WDFY3: variants seen among roughly 807,000 people sequenced by gnomAD.
WDFY3 encodes WD repeat and FYVE domain-containing protein 3.
Under a neutral mutation model 409.6 loss-of-function variants are expected in WDFY3, and 66 were observed. The ratio of observed to expected loss-of-function variants is 0.16; its 90% CI spans 0.13 to 0.20. The LOEUF is 0.20. Among genes scored for constraint, WDFY3 ranks in the 10% least tolerant of loss-of-function variants. WDFY3 has a pLI of 1.00. For synonymous variants in WDFY3, 1,521 were observed against 1,537.1 expected, an observed-to-expected ratio of 0.99 and a Z score of 0.25; for missense variants, 3,031 against 4,298.1, an observed-to-expected ratio of 0.71 and a Z score of 8.24.
At chr4:84,837,177 T>TAA in intron 6 of WDFY3, 87 bp from the exon 7 acceptor site, 1 of 1,185,988 alleles carries the variant, frequency 8.4e-7, no homozygotes, top group Non-Finnish European at 1.1e-6. Flanking sequence ...AACCCAAAAA[T>TAA]TATATATAAA....
At position 84,829,168 on chromosome 4, in the gene WDFY3, A is replaced by G. The variant is rs1755296454; in HGVS notation, c.792T>C (p.Cys264=). The change falls in exon 9 of 68, where the codon TGT becomes TGC. Residue 264 remains cysteine (C), a synonymous_variant. Coordinates refer to ENST00000295888, the MANE Select transcript of WDFY3 (RefSeq NM_014991.6). ...CATCTGATTGCTGCATATTCTGAAC[A>G]CATGTAGATAAACACTCTTTCTCTG... ...YIHEKECLST[C]VQNMQQSDDL... is the part of the protein sequence containing the mutation. The G allele has an allele frequency of 1.9e-6, 3 of 1,593,536 alleles. No individual in the cohort carries two copies. The highest frequency in any genetic ancestry group is 2.6e-6 in the Non-Finnish European group (3 of 1,168,582).
At chr4:84,819,990 TA>T in intron 12 of WDFY3, 94 bp downstream of exon 12, 2 of 1,156,236 alleles carry the variant, frequency 1.7e-6, no homozygotes, top group Non-Finnish European at 2.4e-6. Flanking sequence ...GTTTTTTCTC[TA>T]AAGTGACAGG....
intron 2 of WDFY3, among the ~76,000 whole-genome samples, chr4:84,897,650 GA>G (rs889317409): frequency 6.6e-5 from 10 of 151,998 alleles, no homozygotes; most frequent in African/African-American, 4.8e-5. Flanking sequence ...TCCCAAAGGG[GA>G]AATGCACTTT....
intron 2 of WDFY3, among the ~76,000 whole-genome samples, chr4:84,931,376 T>G (rs2150960062): frequency 6.6e-6 from 1 of 152,324 alleles, no homozygotes; most frequent in African/African-American, 2.4e-5. Context: ...CAAATCAGTA[T>G]TGAGTGCTTA....
chr4:84,926,769 AAG>A, intron 2 of WDFY3, among the ~76,000 whole-genome samples: 1 of 152,340 alleles, frequency 6.6e-6, no homozygotes, highest in Middle Eastern at 3.4e-3. Context: ...ACAGCATCCT[AAG>A]AGCATAAGCT....
chr4:84,804,159 AT>A (rs1228337713), intron 15 of WDFY3: 1 of 152,176 alleles, frequency 6.6e-6, no homozygotes, highest in Admixed American at 6.5e-5. Flanking sequence ...GAATGTACAC[AT>A]TTCTTCTCAT....
chr4:84,932,544 G>A (rs896275532), intron 1 of WDFY3, among the ~76,000 whole-genome samples, 181 bp from the exon 2 acceptor site: 1 of 152,012 alleles, frequency 6.6e-6, no homozygotes, highest in East Asian at 1.9e-4. Context: ...AAAATATAAA[G>A]TTATTTAAAG....
Position 84,713,171 on chromosome 4 carries a change from C to T in WDFY3, c.8030G>A (p.Ser2677Asn). Reference sequence around the variant, plus strand: ...ACAAACCACCTACCCCTGCTCCACACTCGTGTTTGGTCGTTGCCCAGATAC... The same window carrying T: ...ACAAACCACCTACCCCTGCTCCACATTCGTGTTTGGTCGTTGCCCAGATAC... ...ESVSGQRPNT[S>N]VEQGSGLLST... The change falls in exon 51 of 68, where the codon AGT (serine) becomes AAT (asparagine). Residue 2677 changes from serine (S) to asparagine (N), a missense_variant. Ser to Asn is a conservative substitution (Grantham distance 46). Transcript: ENST00000295888. 6.2e-7 allele frequency: 1 copy of T among 1,614,188 alleles called. No individual in the cohort carries two copies. The highest frequency in any genetic ancestry group is 8.5e-7 in the Non-Finnish European group (1 of 1,180,028).
At position 84,718,405 on chromosome 4, in the gene WDFY3, T is replaced by G; in HGVS notation, c.7754+17A>C. The G allele has an allele frequency of 6.2e-7, 1 of 1,608,882 alleles. No homozygotes were observed. Among genetic ancestry groups the G allele is most frequent in the Non-Finnish European group, 8.5e-7 (1 of 1,177,790 alleles). On this transcript the variant is annotated intron_variant, in intron 48 of 67. Transcript: ENST00000295888. Reference sequence around the variant, plus strand: ...TAAAGATAGCCATACATTATGTCTCTTCATTCATTTACTTACTTTGGAGGT... The same window carrying G: ...TAAAGATAGCCATACATTATGTCTCGTCATTCATTTACTTACTTTGGAGGT...
intron 22 of WDFY3, among the ~76,000 whole-genome samples, chr4:84,788,104 A>G (rs1166021910): frequency 1.3e-5 from 2 of 152,198 alleles, no homozygotes; most frequent in Non-Finnish European, 2.9e-5. Context: ...CTTCAATGTG[A>G]GTCTGTTAAC....
chr4:84,817,515 A>G lies in WDFY3; in HGVS notation c.1764T>C (p.His588=). ...NIVKYPQCRQ[H]ALMTIQQLVL... is the part of the protein sequence containing the mutation. ...CCAGCTGTTGGATAGTCATCAAGGC[A>G]TGCTGCCGGCATTGAGGGTACTTTA... Residue 588 remains histidine, a synonymous_variant, in exon 13 of 68, where the codon CAT becomes CAC. Coordinates refer to ENST00000295888, the MANE Select transcript of WDFY3 (RefSeq NM_014991.6). 1 of 1,613,878 alleles carries G rather than the reference A, an allele frequency of 6.2e-7. No homozygotes were observed. Among genetic ancestry groups the G allele is most frequent in the South Asian group, 1.1e-5 (1 of 91,086 alleles).
rs555497068 is a variant in WDFY3 at position 84,764,730 on chromosome 4, G to A, written c.5188+1080C>T. ...AAAAAATACAAAAAATTAGCCGGGC[G>A]TGGTGGCAGGCGCCTGTAGTCCCAG... is the stretch of plus-strand genomic sequence containing the variant. On this transcript the variant is annotated intron_variant, in intron 32 of 67. Coordinates refer to ENST00000295888, the MANE Select transcript of WDFY3 (RefSeq NM_014991.6). 1.6e-4 allele frequency among the ~76,000 whole-genome samples: 25 copies of A among 151,888 alleles called. No homozygotes were observed. The East Asian group carries it at 3.7e-3, about 22-fold the overall frequency.
At chr4:84,702,212 A>G (rs1731171897) in intron 56 of WDFY3, 141 bp downstream of exon 56, 6 of 955,106 alleles carry the variant, frequency 6.3e-6, no homozygotes, top group Non-Finnish European at 8.9e-6. Context: ...ACCACACCCA[A>G]TTACAGCAAA....
rs115949936 is a variant in WDFY3 at position 84,794,782 on chromosome 4, A to C, written c.3269-45T>G. ...AAAAAGTCTGTGTTGATTAATATTTATATTTTTTAAAAGATGCCAACAAAA... is the reference window on the plus strand; with the variant it reads ...AAAAAGTCTGTGTTGATTAATATTTCTATTTTTTAAAAGATGCCAACAAAA... On this transcript the variant is annotated intron_variant, in intron 20 of 67. Transcript: ENST00000295888. 2.0e-6 allele frequency: 3 copies of C among 1,528,882 alleles called. No individual in the cohort carries two copies. In the East Asian group the frequency reaches 7.3e-5, roughly 37 times the overall value. 94.7% of individuals were successfully genotyped at this position (1,528,882 alleles called of 1,614,324 possible).
intron 26 of WDFY3, 71 bp downstream of exon 26, chr4:84,780,037 T>C (rs1052804607): frequency 2.1e-6 from 3 of 1,432,654 alleles, no homozygotes; most frequent in Non-Finnish European, 2.8e-6. Context: ...TCAAACAACA[T>C]GAATGATAAT....
At position 84,808,485 on chromosome 4, in the gene WDFY3, G is replaced by C. The variant is rs912181530; in HGVS notation, c.2346-68C>G. 2.5e-5 allele frequency: 34 copies of C among 1,374,026 alleles called. 1 individual carries two copies. The African/African-American group carries it at 3.2e-4, about 13-fold the overall frequency. 85.1% of individuals were successfully genotyped at this position (1,374,026 alleles called of 1,614,324 possible). On this transcript the variant is annotated intron_variant, in intron 14 of 67. Transcript: ENST00000295888. ...AGAAGAGAACACCAGGTTGGCAGTT[G>C]GTTAGTTTCACAAGAAATGCCAGTA...
chr4:84,695,448 C>CGTGTGTGTGTGTGTGT (rs150816589), intron 58 of WDFY3, among the ~76,000 whole-genome samples: 2 of 136,054 alleles, frequency 1.5e-5, no homozygotes, highest in African/African-American at 2.8e-5. Flanking sequence ...ATTTGGGTCC[C>CGTGTGTGTGTGTGTGT]GTGTGTGTGT....
chr4:84,696,107 G>A lies in WDFY3; in HGVS notation c.8764C>T (p.Pro2922Ser), dbSNP rs1447558625. ...DLIFGYKQQG[P>S]AAVEAVNVFH... The stretch of plus-strand genomic sequence containing the variant: ...ACATTTACAGCTTCTACTGCAGCAG[G>A]GCCTTGCTGTTTATAACCGAAGATT... The change falls in exon 58 of 68, where the codon CCT becomes TCT. Residue 2922 changes from proline (P) to serine (S), a missense_variant. This residue lies in a region of WDFY3 where 129 missense variants were observed against 305.3 expected (regional missense o/e 0.42). Coordinates refer to ENST00000295888, the MANE Select transcript of WDFY3 (RefSeq NM_014991.6). The A allele has an allele frequency of 2.5e-6, 4 of 1,614,054 alleles. No homozygotes were observed. The Admixed American group carries it at 6.7e-5, about 27-fold the overall frequency.
chr4:84,780,830 A>C (rs529485034), intron 25 of WDFY3, among the ~76,000 whole-genome samples: 1 of 152,230 alleles, frequency 6.6e-6, no homozygotes, highest in East Asian at 1.9e-4. Context: ...AAGCTAATCT[A>C]CATACTCTTA....
Sources: gnomAD v4.1 joint callset for allele counts (sites outside exome capture counted in the v4.1 genomes callset) on GRCh38, gnomAD v4.1.1 for gene constraint, gnomAD v4.1.1 regional missense constraint, MANE v1.5 for transcripts, NCBI Gene and HGNC (gene_info 2026-07-23, HGNC 2026-07-21) for gene names.